FHIT: variants seen among roughly 807,000 people sequenced by gnomAD.
The protein encoded by FHIT is fragile histidine triad diadenosine triphosphatase, also known as bis(5'-adenosyl)-triphosphatase.
FHIT carries 19 observed loss-of-function variants against 17.9 expected under a neutral mutation model. The observed-to-expected ratio is 1.06, with a 90% CI of 0.74 to 1.56. FHIT has a LOEUF of 1.56. Among genes scored for constraint, FHIT ranks in the 40% most tolerant of loss-of-function variants. The pLI is 0.00. For synonymous variants in FHIT, 81 were observed against 69.7 expected (o/e 1.16, Z -0.81); for missense variants, 248 against 189.2 (o/e 1.31, Z -1.82).
At chr3:61,135,536 CATTTT>C (rs1489248739) in intron 2 of FHIT, among the ~76,000 whole-genome samples, 1 of 152,048 alleles carries the variant, frequency 6.6e-6, no homozygotes, top group East Asian at 1.9e-4. Context: ...CAACCTATTT[CATTTT>C]AAGTGTATGT....
At chr3:60,825,572 G>A (rs111744576) in intron 3 of FHIT, among the ~76,000 whole-genome samples, 7,475 of 152,198 alleles carry the variant, frequency 0.049, 227 homozygotes, top group South Asian at 0.11. Context: ...GAGCATTACC[G>A]CCTGAGCTCC....
At chr3:59,927,602 C>T (rs1705735330) in intron 7 of FHIT, among the ~76,000 whole-genome samples, 3 of 152,008 alleles carry the variant, frequency 2.0e-5, no homozygotes, top group Admixed American at 2.0e-4. Flanking sequence ...CCCGTCTCTA[C>T]TAAAAATACA....
Position 60,407,067 on chromosome 3 carries a change from A to ATTTTTTTTT in FHIT, c.103+129784_103+129792dup, listed in dbSNP as rs34542104. ...GTGAACTACTCAAAGCCTGCCAATA[A>ATTTTTTTTT]TTTTTTTTTTTTTTTTTTTTTTTTT... is the stretch of plus-strand genomic sequence containing the variant. On this transcript the variant is annotated intron_variant, in intron 5 of 9. Transcript: ENST00000492590. Among the ~76,000 whole-genome samples, 10 of 62,902 alleles carry ATTTTTTTTT rather than the reference A, an allele frequency of 1.6e-4. 1 individual carries two copies. The highest frequency in any genetic ancestry group is 6.3e-4 in the African/African-American group (9 of 14,382). 41.3% of individuals were successfully genotyped at this position (62,902 alleles called of 152,430 possible).
chr3:60,953,411 G>A (rs868950853), intron 3 of FHIT, among the ~76,000 whole-genome samples: 13 of 151,770 alleles, frequency 8.6e-5, no homozygotes, highest in South Asian at 4.2e-4. Context: ...CAGCTATTTG[G>A]ACCGAAATCC....
intron 5 of FHIT, among the ~76,000 whole-genome samples, chr3:60,014,653 T>G (rs1700272896): frequency 1.3e-5 from 2 of 152,236 alleles, no homozygotes; most frequent in African/African-American, 4.8e-5. Flanking sequence ...AGATGTTTAT[T>G]TTATTTTTAA....
At chr3:60,135,822 G>A (rs1172998235) in intron 5 of FHIT, among the ~76,000 whole-genome samples, 1 of 152,052 alleles carries the variant, frequency 6.6e-6, no homozygotes, top group East Asian at 1.9e-4. Context: ...TCAAACAGAA[G>A]AATTTGGGGC....
At chr3:61,112,772 T>C (rs1427853125) in intron 2 of FHIT, among the ~76,000 whole-genome samples, 1 of 152,136 alleles carries the variant, frequency 6.6e-6, no homozygotes, top group East Asian at 1.9e-4. Flanking sequence ...GACAATCCTA[T>C]CTTGGCTACC....
chr3:61,041,517 T>A (rs2033514638), intron 3 of FHIT, among the ~76,000 whole-genome samples: 1 of 152,158 alleles, frequency 6.6e-6, no homozygotes. Context: ...TACCTATGTG[T>A]GATCATGGAT....
intron 5 of FHIT, among the ~76,000 whole-genome samples, chr3:60,268,085 G>C (rs1706678073): frequency 6.6e-6 from 1 of 152,076 alleles, no homozygotes; most frequent in Non-Finnish European, 1.5e-5. Context: ...ATCATTCATA[G>C]AACCTCAAAC....
intron 5 of FHIT, among the ~76,000 whole-genome samples, chr3:60,307,417 G>T (rs1394280961): frequency 6.6e-6 from 1 of 152,152 alleles, no homozygotes; most frequent in Non-Finnish European, 1.5e-5. Flanking sequence ...CACAAGTCTT[G>T]AACTTTTAAA....
At chr3:60,586,648 A>G (rs2037916865) in intron 4 of FHIT, among the ~76,000 whole-genome samples, 1 of 152,110 alleles carries the variant, frequency 6.6e-6, no homozygotes, top group African/African-American at 2.4e-5. Flanking sequence ...ACACCATGGA[A>G]TACTATGCAG....
chr3:60,068,594 C>G (rs1157129522), intron 5 of FHIT, among the ~76,000 whole-genome samples: 1 of 152,160 alleles, frequency 6.6e-6, no homozygotes, highest in African/African-American at 2.4e-5. Context: ...ATAGTGCTCC[C>G]TAGTACAAGG....
intron 4 of FHIT, among the ~76,000 whole-genome samples, chr3:60,817,885 C>G (rs1364517375): frequency 2.0e-5 from 3 of 152,018 alleles, no homozygotes; most frequent in African/African-American, 7.2e-5. Context: ...GTAAGCTAGA[C>G]ATTTTAATTT....
chr3:60,168,305 T>A (rs562368306), intron 5 of FHIT, among the ~76,000 whole-genome samples: 1 of 152,328 alleles, frequency 6.6e-6, no homozygotes, highest in East Asian at 1.9e-4. Context: ...ATCTAACACA[T>A]GGAGCAGATT....
intron 7 of FHIT, among the ~76,000 whole-genome samples, chr3:59,970,211 A>T (rs953145447): frequency 1.8e-4 from 28 of 152,152 alleles, no homozygotes; most frequent in African/African-American, 6.0e-4. Flanking sequence ...AATGTACTGT[A>T]AAAAACGGCT....
At chr3:60,723,095 T>G (rs2041845401) in intron 4 of FHIT, among the ~76,000 whole-genome samples, 1 of 152,134 alleles carries the variant, frequency 6.6e-6, no homozygotes, top group South Asian at 2.1e-4. Flanking sequence ...TCTAGACTCT[T>G]CTTCCTCAGA....
intron 5 of FHIT, among the ~76,000 whole-genome samples, chr3:60,378,576 T>C (rs1489448106): frequency 6.6e-6 from 1 of 152,218 alleles, no homozygotes; most frequent in Admixed American, 6.5e-5. Flanking sequence ...TATTATCATT[T>C]AGCAATAATT....
At chr3:60,195,438 T>G in intron 5 of FHIT, among the ~76,000 whole-genome samples, 1 of 150,758 alleles carries the variant, frequency 6.6e-6, no homozygotes, top group African/African-American at 2.4e-5. Context: ...AGTCATGAGA[T>G]CAAAAAAGAC....
At position 60,196,783 on chromosome 3, in the gene FHIT, CATATATACA is replaced by C. The variant is rs539962087; in HGVS notation, c.104-182640_104-182632del. ...TATCCATTACATAGATGATATCATACATATATACAATATATACATACTATGATAGTAAAT... is the reference window on the plus strand; with the variant it reads ...TATCCATTACATAGATGATATCATACATATATACATACTATGATAGTAAAT... On this transcript the variant is annotated intron_variant, in intron 5 of 9. Coordinates refer to ENST00000492590, the MANE Select transcript of FHIT (RefSeq NM_002012.4). Among the ~76,000 whole-genome samples, 548 of 151,522 alleles carry C rather than the reference CATATATACA, an allele frequency of 3.6e-3. 2 individuals carry two copies. Among genetic ancestry groups the C allele is most frequent in the African/African-American group, 0.012 (499 of 41,210 alleles).
Sources: allele counts gnomAD v4.1 joint callset (sites outside exome capture counted in the v4.1 genomes callset), GRCh38; gene constraint gnomAD v4.1.1; transcripts MANE v1.5; gene names NCBI Gene and HGNC (gene_info 2026-07-23, HGNC 2026-07-21).